LCN15: variants seen among roughly 807,000 people sequenced by gnomAD.
LCN15 encodes lipocalin-15.
In LCN15, 26 loss-of-function variants were observed where a neutral mutation model predicts 23.1. The observed-to-expected ratio is 1.13, with a 90% CI of 0.82 to 1.56. The LOEUF (loss-of-function observed/expected upper bound fraction) is 1.56. LCN15 is among the 40% of genes most tolerant of loss of function. The pLI is 0.00. For missense variants in LCN15, 241 were observed against 239.5 expected (o/e 1.01, Z -0.04); for synonymous variants, 107 against 98.3 (o/e 1.09, Z -0.52).
chr9:136,762,974 G>C (rs2131100078), intron 4 of LCN15, among the ~76,000 whole-genome samples: 1 of 149,592 alleles, frequency 6.7e-6, no homozygotes, highest in South Asian at 2.1e-4. Flanking sequence ...CTCAGGCAGC[G>C]AGGCCAGGCA....
chr9:136,763,936 G>A lies in LCN15; in HGVS notation c.170C>T (p.Ser57Phe), dbSNP rs1212644504. The part of the protein sequence containing the change: ...RVFLGKKDHL[S>F]MSTRAIRPTE... ...GGGCCTGATGGCCCTGGTGGACATG[G>A]ACAGGTGGTCCTTCTTGCCCAGGAA... is the stretch of plus-strand genomic sequence containing the variant. Residue 57 changes from serine to phenylalanine, a missense_variant, in exon 2 of 7, where the codon TCC (serine) becomes TTC (phenylalanine). Ser to Phe is a radical substitution (Grantham distance 155, BLOSUM62 -2). Coordinates refer to ENST00000316144, the MANE Select transcript of LCN15 (RefSeq NM_203347.2). 7 of 1,613,646 alleles carry A rather than the reference G, an allele frequency of 4.3e-6. No individual in the cohort carries two copies. Among genetic ancestry groups the A allele is most frequent in the African/African-American group, 1.3e-5 (1 of 75,018 alleles).
rs1365524550 is a variant in LCN15 at position 136,764,494 on chromosome 9, C to T, written c.-6G>A. The T allele has an allele frequency of 6.2e-7, 1 of 1,609,204 alleles. No homozygotes were observed. The highest frequency in any genetic ancestry group is 8.5e-7 in the Non-Finnish European group (1 of 1,177,824). On this transcript the variant is annotated 5_prime_UTR_variant, in exon 1 of 7. Transcript: ENST00000316144. Reference sequence around the variant, plus strand: ...CCGAGCAGGAATGACATCATCCCCTCCCCTGCCCTCCAGCCCCTGGTGCTG... The same window carrying T: ...CCGAGCAGGAATGACATCATCCCCTTCCCTGCCCTCCAGCCCCTGGTGCTG...
intron 1 of LCN15, 65 bp downstream of exon 1, chr9:136,764,328 T>G: frequency 6.8e-7 from 1 of 1,480,078 alleles, no homozygotes; most frequent in South Asian, 1.2e-5. Context: ...TTGTCACAAT[T>G]ATCACGTTGT....
Position 136,764,508 on chromosome 9 carries a change from C to A in LCN15, c.-20G>T. On this transcript the variant is annotated 5_prime_UTR_variant, in exon 1 of 7. Transcript: ENST00000316144. Reference sequence around the variant, plus strand: ...CATCATCCCCTCCCCTGCCCTCCAGCCCCTGGTGCTGAGTCCCCAAGCCCC... The same window carrying A: ...CATCATCCCCTCCCCTGCCCTCCAGACCCTGGTGCTGAGTCCCCAAGCCCC... 6.2e-7 allele frequency: 1 copy of A among 1,600,894 alleles called. No individual in the cohort carries two copies. Among genetic ancestry groups the A allele is most frequent in the Non-Finnish European group, 8.5e-7 (1 of 1,172,506 alleles).
At chr9:136,764,282 TG>T in intron 1 of LCN15, 110 bp downstream of exon 1, 1 of 1,111,344 alleles carries the variant, frequency 9.0e-7, no homozygotes, top group Non-Finnish European at 1.3e-6. Flanking sequence ...AGCACGTGCC[TG>T]GCCGGGCACA....
At chr9:136,762,594 C>G (rs892924773) in intron 4 of LCN15, among the ~76,000 whole-genome samples, 1 of 152,076 alleles carries the variant, frequency 6.6e-6, no homozygotes, top group Non-Finnish European at 1.5e-5. Context: ...ATCGGGGAGT[C>G]CCCAGGAGTT....
intron 1 of LCN15, 40 bp from the exon 2 acceptor site, chr9:136,764,049 C>T (rs762520568): frequency 6.2e-7 from 1 of 1,601,284 alleles, no homozygotes; most frequent in South Asian, 1.1e-5. Flanking sequence ...GGACAGCCAG[C>T]AGCAGGGCCC....
At chr9:136,759,954 T>TGCCCCACAG (rs71385770) in intron 6 of LCN15, among the ~76,000 whole-genome samples, 171 bp from the exon 7 acceptor site, 103,178 of 151,448 alleles carry the variant, frequency 0.68, 36,363 homozygotes, top group East Asian at 0.86. Flanking sequence ...CTACCACTGC[T>TGCCCCACAG]GCCCCAGGCG....
chr9:136,763,453 CCAGGTAGCCCAAGG>C lies in LCN15; in HGVS notation c.308_321del (p.Ala103GlyfsTer72), dbSNP rs761274987. ...TAGTCTGTGTCCACGATGCGCACGT[CCAGGTAGCCCAAGG>C]CTGCGGAGAGGCAGGCGGCCTTTTC... On this transcript the variant is annotated frameshift_variant and splice_region_variant, in exon 4 of 7. Coordinates refer to ENST00000316144, the MANE Select transcript of LCN15 (RefSeq NM_203347.2). LOFTEE classifies it high-confidence loss of function. 6.2e-7 allele frequency: 1 copy of C among 1,606,410 alleles called. No homozygotes were observed. Among genetic ancestry groups the C allele is most frequent in the South Asian group, 1.1e-5 (1 of 90,426 alleles).
chr9:136,764,362 C>T, intron 1 of LCN15, 31 bp downstream of exon 1: 1 of 1,584,692 alleles, frequency 6.3e-7, no homozygotes, highest in Non-Finnish European at 8.6e-7. Flanking sequence ...CCAGCTCCCA[C>T]CCACCACAGG....
At chr9:136,763,143 G>A (rs1437066425) in intron 4 of LCN15, among the ~76,000 whole-genome samples, 4 of 151,564 alleles carry the variant, frequency 2.6e-5, no homozygotes, top group South Asian at 2.1e-4. Context: ...GTCACAGCAG[G>A]AGAGGGCATG....
chr9:136,763,556 G>C lies in LCN15; in HGVS notation c.308-89C>G, dbSNP rs1847346166. On this transcript the variant is annotated intron_variant, in intron 3 of 6. Transcript: ENST00000316144. ...CCATGCCTGCCCCTGCTGCTGGGCT[G>C]TGAGCCTGTTCCCCGAAGACAGAGG... The C allele has an allele frequency of 5.7e-6, 7 of 1,236,474 alleles. 1 individual carries two copies. Among genetic ancestry groups the C allele is most frequent in the Middle Eastern group, 2.4e-4 (1 of 4,138 alleles). The allele number at this position is 1,236,474 out of a possible 1,614,324, so 76.6% of individuals were successfully genotyped here. A position where few individuals can be genotyped will look rare whatever the true frequency, so the allele number is the denominator to read the frequency against.
At chr9:136,760,354 C>A (rs1847302902) in intron 6 of LCN15, among the ~76,000 whole-genome samples, 1 of 151,016 alleles carries the variant, frequency 6.6e-6, no homozygotes, top group Non-Finnish European at 1.5e-5. Context: ...AGCTGAACAG[C>A]CCCAGTGTCC....
chr9:136,762,868 A>G (rs1847334833), intron 4 of LCN15, among the ~76,000 whole-genome samples: 2 of 148,196 alleles, frequency 1.3e-5, no homozygotes, highest in Non-Finnish European at 3.0e-5. Context: ...GGTTGCAGTG[A>G]GCCGAGATCG....
rs761395593 is a variant in LCN15 at position 136,761,902 on chromosome 9, C to T, written c.521-49G>A. The T allele has an allele frequency of 6.8e-5, 89 of 1,315,134 alleles. No individual in the cohort carries two copies. Among genetic ancestry groups the T allele is most frequent in the Non-Finnish European group, 8.4e-5 (86 of 1,027,450 alleles). The allele number at this position is 1,315,134 out of a possible 1,614,324, so 81.5% of individuals were successfully genotyped here. On this transcript the variant is annotated intron_variant, in intron 5 of 6. Coordinates refer to ENST00000316144, the MANE Select transcript of LCN15 (RefSeq NM_203347.2). This position sits in a 1 kb window ranked among gnomAD's most constrained non-coding sequence, Gnocchi z 4.2. ...AGATGCTGACGGCCAGGACCGCCCT[C>T]GCTTCCCGCAGCCCCCAACCCCTGG...
intron 6 of LCN15, among the ~76,000 whole-genome samples, 187 bp from the exon 7 acceptor site, chr9:136,759,970 C>G (rs1847296720): frequency 8.7e-6 from 1 of 114,688 alleles, no homozygotes; most frequent in Non-Finnish European, 2.0e-5. Flanking sequence ...AGGCGAGAGG[C>G]TGCCCCAGAG....
In LCN15 at chr9:136,762,159, CATGGGGTGGGCGGGG is replaced by C; in HGVS notation, c.520+14_520+28del. ...GGGAAGGGAGGGAGAGGCTGGGGGG[CATGGGGTGGGCGGGG>C]CTTGCCAGGGTACCTGACTGGGGCA... On this transcript the variant is annotated intron_variant, in intron 5 of 6. Coordinates refer to ENST00000316144, the MANE Select transcript of LCN15 (RefSeq NM_203347.2). The C allele has an allele frequency of 7.9e-7, 1 of 1,269,520 alleles. No homozygotes were observed. Among genetic ancestry groups the C allele is most frequent in the Non-Finnish European group, 1.1e-6 (1 of 921,268 alleles). 78.6% of individuals were successfully genotyped at this position (1,269,520 alleles called of 1,614,324 possible). A position where few individuals can be genotyped will look rare whatever the true frequency, so the allele number is the denominator to read the frequency against.
Position 136,761,331 on chromosome 9 carries a change from G to T in LCN15, c.*32+456C>A, listed in dbSNP as rs1327615514. Among the ~76,000 whole-genome samples the T allele has an allele frequency of 6.6e-6, 1 of 152,172 alleles. No individual in the cohort carries two copies. The highest frequency in any genetic ancestry group is 1.5e-5 in the Non-Finnish European group (1 of 68,030). On this transcript the variant is annotated intron_variant, in intron 6 of 6. Transcript: ENST00000316144. This position sits in a 1 kb window ranked among gnomAD's most constrained non-coding sequence, Gnocchi z 4.2. ...GCTGGACTGTAATGGTGCAATCTCG[G>T]CTCACCGCAACCTCCGCCTCCTGGG...
At chr9:136,763,320 G>A (rs369885312) in intron 4 of LCN15, 37 bp downstream of exon 4, 2 of 1,209,472 alleles carry the variant, frequency 1.7e-6, no homozygotes, top group Non-Finnish European at 2.3e-6. Flanking sequence ...GGGAAGTTGG[G>A]GAGGGGCCAG....
Sources: allele counts gnomAD v4.1 joint callset (sites outside exome capture counted in the v4.1 genomes callset), GRCh38; gene constraint gnomAD v4.1.1; non-coding constraint Gnocchi (gnomAD v3.1); transcripts MANE v1.5; gene names NCBI Gene and HGNC (gene_info 2026-07-23, HGNC 2026-07-21).